LAMC2: variants seen among roughly 807,000 people sequenced by gnomAD.
LAMC2 encodes the protein laminin subunit gamma-2.
LAMC2 carries 97 observed loss-of-function variants against 140.2 expected under a neutral mutation model. That is an observed-to-expected ratio of 0.69 (90% confidence interval 0.59 to 0.82). The LOEUF is 0.82. Among genes scored for constraint, LAMC2 ranks in the 40% least tolerant of loss-of-function variants. The pLI is 0.00. For missense variants in LAMC2, 1,402 were observed against 1,476.1 expected (o/e 0.95, Z 0.82); for synonymous variants, 513 against 540.2 (o/e 0.95, Z 0.70).
At chr1:183,232,037 C>G in intron 12 of LAMC2, 150 bp from the exon 13 acceptor site, 1 of 871,294 alleles carries the variant, frequency 1.1e-6, no homozygotes. Flanking sequence ...AACTCAAGGA[C>G]TCTCTAGGCT....
intron 2 of LAMC2, among the ~76,000 whole-genome samples, chr1:183,214,061 A>G (rs1421786291): frequency 6.6e-6 from 1 of 151,760 alleles, no homozygotes; most frequent in African/African-American, 2.4e-5. Flanking sequence ...AATACAGATT[A>G]TTTTACAATT....
chr1:183,235,333 G>A (rs1386525015), intron 15 of LAMC2, among the ~76,000 whole-genome samples: 2 of 152,146 alleles, frequency 1.3e-5, no homozygotes, highest in Non-Finnish European at 2.9e-5. Context: ...ACCCCGCTCC[G>A]GGACTCCAGT....
downstream of LAMC2, among the ~76,000 whole-genome samples, chr1:183,245,940 T>C (rs1196377750): frequency 6.6e-6 from 1 of 152,086 alleles, no homozygotes; most frequent in Non-Finnish European, 1.5e-5. Flanking sequence ...AAGGCCGAAA[T>C]GGGCGGATCA....
chr1:183,201,585 C>G (rs1180668438), intron 1 of LAMC2, among the ~76,000 whole-genome samples: 1 of 152,162 alleles, frequency 6.6e-6, no homozygotes, highest in Non-Finnish European at 1.5e-5. Context: ...ATGCTTGACA[C>G]AGGCAAATAT....
At chr1:183,250,976 A>T in the LAMC2 span, 1 of 152,208 alleles carries the variant, frequency 6.6e-6, no homozygotes, top group Admixed American at 6.5e-5. Flanking sequence ...ACTATTTCTC[A>T]AAGACCAGAA....
chr1:183,240,595 C>T, intron 22 of LAMC2: 40 of 1,432,750 alleles, frequency 2.8e-5, no homozygotes, highest in Middle Eastern at 2.6e-4. Flanking sequence ...TAAGATGGGT[C>T]ACTGAACACC....
At chr1:183,227,232 C>A (rs12094412) in intron 9 of LAMC2, among the ~76,000 whole-genome samples, 2 of 151,900 alleles carry the variant, frequency 1.3e-5, no homozygotes, top group Admixed American at 6.6e-5. Flanking sequence ...ATGAATGTGC[C>A]GACAAATGGT....
chr1:183,203,599 ATTCC>A (rs1658791759), intron 1 of LAMC2, among the ~76,000 whole-genome samples: 1 of 151,550 alleles, frequency 6.6e-6, no homozygotes, highest in Non-Finnish European at 1.5e-5. Context: ...GAAAAGCATC[ATTCC>A]ATGCAAAAGG....
intron 1 of LAMC2, among the ~76,000 whole-genome samples, chr1:183,194,808 A>G (rs540254546): frequency 2.0e-5 from 3 of 152,336 alleles, no homozygotes; most frequent in Non-Finnish European, 4.4e-5. Context: ...TGCTCTTTGA[A>G]TAACAGTTAA....
intron 1 of LAMC2, among the ~76,000 whole-genome samples, chr1:183,202,223 C>CAAA (rs199561774): frequency 7.0e-6 from 1 of 142,466 alleles, no homozygotes. Context: ...ACAACAACAA[C>CAAA]AAAAAAAAAA....
downstream of LAMC2, among the ~76,000 whole-genome samples, chr1:183,246,555 A>G (rs568444244): frequency 4.4e-4 from 67 of 152,318 alleles, no homozygotes; most frequent in African/African-American, 1.5e-3. Flanking sequence ...GTTTGGAGAA[A>G]GGGGTGGAAA....
At chr1:183,231,152 T>G in intron 12 of LAMC2, 49 bp downstream of exon 12, 1 of 1,609,942 alleles carries the variant, frequency 6.2e-7, no homozygotes, top group Non-Finnish European at 8.5e-7. Context: ...ATCAAATCCT[T>G]AAGTGTCCAC....
the LAMC2 span, among the ~76,000 whole-genome samples, chr1:183,255,797 C>T: frequency 2.8e-4 from 42 of 151,598 alleles, no homozygotes; most frequent in South Asian, 5.4e-3. Flanking sequence ...CCGAGTAGCT[C>T]GGATTACAGG....
chr1:183,234,086 C>T (rs1417424661), intron 14 of LAMC2, among the ~76,000 whole-genome samples: 1 of 152,058 alleles, frequency 6.6e-6, no homozygotes, highest in Non-Finnish European at 1.5e-5. Context: ...GGGGTTTCAC[C>T]ATGTTGGTCA....
chr1:183,258,236 C>A, the LAMC2 span, among the ~76,000 whole-genome samples: 1 of 152,176 alleles, frequency 6.6e-6, no homozygotes, highest in Non-Finnish European at 1.5e-5. Context: ...GTCTAGGTGT[C>A]AGACCCAAAC....
chr1:183,224,088 A>C (rs1168386135), intron 7 of LAMC2, among the ~76,000 whole-genome samples: 1 of 152,116 alleles, frequency 6.6e-6, no homozygotes, highest in Non-Finnish European at 1.5e-5. Context: ...GGGGTGGTGC[A>C]TGTTCATGGG....
At chr1:183,220,313 A>C (rs1182210699) in intron 4 of LAMC2, among the ~76,000 whole-genome samples, 1 of 152,102 alleles carries the variant, frequency 6.6e-6, no homozygotes, top group Non-Finnish European at 1.5e-5. Context: ...CCTTTTCCCC[A>C]GTGAGCCAGA....
intron 1 of LAMC2, among the ~76,000 whole-genome samples, chr1:183,186,709 G>T (rs949828763): frequency 6.6e-6 from 1 of 151,734 alleles, no homozygotes; most frequent in African/African-American, 2.4e-5. Context: ...GTCTTTTTTC[G>T]ACCAAGGGGC....
chr1:183,193,699 G>A (rs779451806), intron 1 of LAMC2, among the ~76,000 whole-genome samples: 5 of 152,214 alleles, frequency 3.3e-5, no homozygotes, highest in Non-Finnish European at 5.9e-5. Context: ...TACCATGGTA[G>A]GAGGGGATCT....
Sources: gnomAD v4.1 joint callset for allele counts (sites outside exome capture counted in the v4.1 genomes callset) on GRCh38, gnomAD v4.1.1 for gene constraint, MANE v1.5 for transcripts, NCBI Gene and HGNC (gene_info 2026-07-23, HGNC 2026-07-21) for gene names.